Variants in GSE1 observed in about 807,000 individuals in gnomAD.
The protein encoded by GSE1 is genetic suppressor element 1.
GSE1 carries 32 observed loss-of-function variants against 112.6 expected under a neutral mutation model. That is an observed-to-expected ratio of 0.28 (90% CI 0.21 to 0.38). The LOEUF is 0.38. Among genes scored for constraint, GSE1 ranks in the 10% least tolerant of loss-of-function variants. The pLI, the probability that GSE1 is intolerant of heterozygous loss-of-function variation, is 1.00. For synonymous variants in GSE1, 1,115 were observed against 735.6 expected, an observed-to-expected ratio of 1.52 and a Z score of -8.35; for missense variants, 2,348 against 1,699.2, an observed-to-expected ratio of 1.38 and a Z score of -6.71.
rs990130910 is a variant in GSE1, at chr16:85,182,117, G to A, written c.2283+10310G>A. Among the ~76,000 whole-genome samples the A allele has an allele frequency of 2.0e-5, 3 of 152,302 alleles. No homozygotes were observed. The South Asian group carries it at 6.2e-4, about 32-fold the overall frequency. ...GCTGTTCACACCAAGCATGGGGGACGCACGGTGGACAGCGAGGGCTCCTGG... is the reference window on the plus strand; with the variant it reads ...GCTGTTCACACCAAGCATGGGGGACACACGGTGGACAGCGAGGGCTCCTGG... On this transcript the variant is annotated intron_variant, in intron 1 of 2. Transcript: ENST00000637419.
intron 2 of GSE1, among the ~76,000 whole-genome samples, chr16:85,450,309 G>A (rs928676626): frequency 4.0e-5 from 6 of 151,216 alleles, no homozygotes; most frequent in Admixed American, 4.0e-4. Context: ...GTAGAGATGG[G>A]GTTTCTCCAT....
At chr16:85,304,254 G>A (rs563271383) in intron 1 of GSE1, among the ~76,000 whole-genome samples, 8 of 152,350 alleles carry the variant, frequency 5.3e-5, no homozygotes, top group Non-Finnish European at 8.8e-5. Context: ...TCGATCACTC[G>A]GCTGCGTGGT....
At chr16:85,445,638 T>G (rs2049490925) in intron 2 of GSE1, among the ~76,000 whole-genome samples, 1 of 152,180 alleles carries the variant, frequency 6.6e-6, no homozygotes, top group African/African-American at 2.4e-5. Context: ...GCAGCCACTT[T>G]GGGTTTGGCA....
chr16:85,250,271 C>G (rs1382234010), intron 1 of GSE1, among the ~76,000 whole-genome samples: 2 of 152,242 alleles, frequency 1.3e-5, no homozygotes, highest in Admixed American at 1.3e-4. Context: ...GGCAAAGGGT[C>G]CTGGGTTCCC....
chr16:85,367,708 G>A (rs941305325), intron 2 of GSE1, among the ~76,000 whole-genome samples: 4 of 152,348 alleles, frequency 2.6e-5, no homozygotes, highest in African/African-American at 7.2e-5. Flanking sequence ...CCCTGTCCTC[G>A]TGATCTCTCC....
intron 2 of GSE1, among the ~76,000 whole-genome samples, chr16:85,457,586 G>A (rs1231381224): frequency 1.3e-5 from 2 of 152,210 alleles, no homozygotes; most frequent in East Asian, 1.9e-4. Context: ...AGGGCTGGAC[G>A]GGCTCCTCCA....
chr16:85,632,717 TC>T (rs145375980), intron 1 of GSE1, among the ~76,000 whole-genome samples: 3,391 of 152,060 alleles, frequency 0.022, 127 homozygotes, highest in African/African-American at 0.077. Flanking sequence ...AGTCCGCCCC[TC>T]TTGTGTGTTG....
At chr16:85,186,956 C>G (rs1219504889) in intron 1 of GSE1, among the ~76,000 whole-genome samples, 1 of 152,244 alleles carries the variant, frequency 6.6e-6, no homozygotes, top group Non-Finnish European at 1.5e-5. Flanking sequence ...TTGACTTCCT[C>G]TTTCCCACCA....
chr16:85,387,929 T>C (rs1163356448), intron 2 of GSE1, among the ~76,000 whole-genome samples: 1 of 151,170 alleles, frequency 6.6e-6, no homozygotes, highest in Non-Finnish European at 1.5e-5. Flanking sequence ...AGTGGATGGA[T>C]GGATGGATGG....
At chr16:85,651,043 TCCGCCC>T (rs2051299207) in intron 3 of GSE1, among the ~76,000 whole-genome samples, 2 of 40,314 alleles carry the variant, frequency 5.0e-5, no homozygotes, top group Non-Finnish European at 1.0e-4. Flanking sequence ...CCCCTCCCCC[TCCGCCC>T]CTCCTCCCCC....
intron 15 of GSE1, among the ~76,000 whole-genome samples, chr16:85,671,439 C>CAAAAAAAAAAAAAAAAAAAA (rs1159665909): frequency 6.5e-5 from 4 of 61,324 alleles, no homozygotes; most frequent in African/African-American, 2.7e-4. Flanking sequence ...GACTCCGTCT[C>CAAAAAAAAAAAAAAAAAAAA]AAAAAAAAAA....
chr16:85,581,808 GC>G (rs1435167330), intron 1 of GSE1, among the ~76,000 whole-genome samples: 7 of 152,154 alleles, frequency 4.6e-5, no homozygotes, highest in African/African-American at 1.7e-4. Flanking sequence ...TACACCCAGG[GC>G]TGCGGCTTCC....
chr16:85,585,461 G>C (rs1337554701), intron 1 of GSE1, among the ~76,000 whole-genome samples: 1 of 152,192 alleles, frequency 6.6e-6, no homozygotes, highest in Non-Finnish European at 1.5e-5. Context: ...AGTACGCCCA[G>C]GACAGCAGGA....
chr16:85,673,688 C>G lies in GSE1; in HGVS notation c.*1149C>G, dbSNP rs367789018. ...TGCTTACCTCCTCCACTCCCCCTGC[C>G]TGCCCCCAGCATCTGGACAAGCTAA... On this transcript the variant is annotated 3_prime_UTR_variant, in exon 16 of 16. Transcript: ENST00000253458. 2.0e-5 allele frequency: 3 copies of G among 152,306 alleles called. No homozygotes were observed. In the South Asian group the frequency reaches 6.2e-4, roughly 31 times the overall value. 9.4% of individuals were successfully genotyped at this position (152,306 alleles called of 1,614,324 possible). A position where few individuals can be genotyped will look rare whatever the true frequency, so the allele number is the denominator to read the frequency against.
At chr16:85,411,573 GC>G (rs531551231) in intron 2 of GSE1, among the ~76,000 whole-genome samples, 1 of 23,846 alleles carries the variant, frequency 4.2e-5, no homozygotes, top group Non-Finnish European at 9.6e-5. Flanking sequence ...TACACTCAGG[GC>G]CCCCCCGGAT....
At chr16:85,668,771 G>A (rs925292346) in intron 14 of GSE1, among the ~76,000 whole-genome samples, 4 of 152,214 alleles carry the variant, frequency 2.6e-5, no homozygotes, top group Non-Finnish European at 4.4e-5. Flanking sequence ...GATTTGCTGA[G>A]CCCTGGCAGC....
chr16:85,256,003 A>G (rs549609561), intron 1 of GSE1, among the ~76,000 whole-genome samples: 58 of 152,312 alleles, frequency 3.8e-4, no homozygotes, highest in Admixed American at 1.4e-3. Context: ...CTACTTCTCA[A>G]TCCTGCGTGA....
At chr16:85,187,765 G>T (rs1388989584) in intron 1 of GSE1, among the ~76,000 whole-genome samples, 1 of 152,218 alleles carries the variant, frequency 6.6e-6, no homozygotes, top group Non-Finnish European at 1.5e-5. Context: ...CGACCTCACA[G>T]GACTGTGGGA....
At chr16:85,291,742 G>T (rs905673544) in intron 1 of GSE1, among the ~76,000 whole-genome samples, 4 of 152,184 alleles carry the variant, frequency 2.6e-5, no homozygotes, top group African/African-American at 9.7e-5. Context: ...GTCAGGCTGG[G>T]GGCAGAGGCC....
Sources: allele counts gnomAD v4.1 joint callset (sites outside exome capture counted in the v4.1 genomes callset), GRCh38; gene constraint gnomAD v4.1.1; transcripts MANE v1.5; gene names NCBI Gene and HGNC (gene_info 2026-07-23, HGNC 2026-07-21).